The following PCED1B variants were observed in gnomAD, a reference collection of about 807,000 sequenced individuals.
PCED1B encodes PC-esterase domain containing 1B, also known as PC-esterase domain-containing protein 1B.
For synonymous variants in PCED1B, 251 were observed against 246.1 expected, an observed-to-expected ratio of 1.02 and a Z score of -0.19; for missense variants, 573 against 573.9, an observed-to-expected ratio of 1.00 and a Z score of 0.02.
At chr12:47,185,469 G>C (rs11183780) in intron 2 of PCED1B, among the ~76,000 whole-genome samples, 3,432 of 152,258 alleles carry the variant, frequency 0.023, 72 homozygotes, top group South Asian at 0.062. Context: ...CCCATCCTAG[G>C]TTCTCCAGCT....
chr12:47,166,619 G>A (rs1045726679), intron 2 of PCED1B, among the ~76,000 whole-genome samples: 2 of 152,150 alleles, frequency 1.3e-5, no homozygotes, highest in African/African-American at 4.8e-5. Context: ...TTGAAATGAT[G>A]CTCTGCTCAT....
chr12:47,197,321 T>C (rs1942636326), intron 2 of PCED1B, among the ~76,000 whole-genome samples: 1 of 149,672 alleles, frequency 6.7e-6, no homozygotes, highest in Non-Finnish European at 1.5e-5. Flanking sequence ...TAAAATACAA[T>C]GATAGCCCGG....
intron 2 of PCED1B, among the ~76,000 whole-genome samples, chr12:47,182,988 A>G (rs892384358): frequency 6.6e-6 from 1 of 151,766 alleles, no homozygotes; most frequent in Non-Finnish European, 1.5e-5. Context: ...GCTAAAAGCT[A>G]AATTAGAATG....
At chr12:47,186,253 T>C (rs1006848592) in intron 2 of PCED1B, among the ~76,000 whole-genome samples, 1 of 149,610 alleles carries the variant, frequency 6.7e-6, no homozygotes, top group Non-Finnish European at 1.5e-5. Flanking sequence ...TGAACTTACA[T>C]AGAATTGAGC....
intron 2 of PCED1B, among the ~76,000 whole-genome samples, chr12:47,178,866 C>CAAAAA (rs35135157): frequency 9.9e-5 from 8 of 81,180 alleles, no homozygotes; most frequent in Admixed American, 1.4e-4. Flanking sequence ...GACTCCATCT[C>CAAAAA]AAAAAAAAAA....
intron 2 of PCED1B, among the ~76,000 whole-genome samples, chr12:47,106,439 G>T (rs1446688341): frequency 6.6e-6 from 1 of 152,106 alleles, no homozygotes; most frequent in African/African-American, 2.4e-5. Context: ...AAGAAAAGTG[G>T]GTGCCTATGA....
chr12:47,220,449 G>A (rs544431566), intron 3 of PCED1B, among the ~76,000 whole-genome samples: 2 of 152,320 alleles, frequency 1.3e-5, no homozygotes, highest in East Asian at 3.9e-4. Context: ...TGGGATTACA[G>A]GCGTGAGCCA....
At chr12:47,183,605 C>T (rs913753119) in intron 2 of PCED1B, among the ~76,000 whole-genome samples, 1 of 151,840 alleles carries the variant, frequency 6.6e-6, no homozygotes, top group African/African-American at 2.4e-5. Context: ...TTTTTAACAC[C>T]TATATATCAC....
chr12:47,164,046 C>T (rs548969823), intron 2 of PCED1B, among the ~76,000 whole-genome samples: 1 of 152,154 alleles, frequency 6.6e-6, no homozygotes, highest in East Asian at 1.9e-4. Context: ...GTGACCCAAG[C>T]ACCTCCCACT....
intron 2 of PCED1B, among the ~76,000 whole-genome samples, chr12:47,154,773 GTGTGCA>G (rs1941132771): frequency 9.9e-6 from 1 of 100,834 alleles, no homozygotes; most frequent in African/African-American, 4.9e-5. Context: ...AGGGGTGTGT[GTGTGCA>G]TGTGTGTGTG....
chr12:47,116,475 C>T (rs1299443022), intron 2 of PCED1B, among the ~76,000 whole-genome samples: 1 of 151,970 alleles, frequency 6.6e-6, no homozygotes, highest in Non-Finnish European at 1.5e-5. Context: ...TTTTTCTAGT[C>T]ACAAAATTGA....
intron 1 of PCED1B, among the ~76,000 whole-genome samples, chr12:47,094,768 G>A (rs577570406): frequency 3.3e-5 from 5 of 151,914 alleles, no homozygotes; most frequent in South Asian, 4.2e-4. Flanking sequence ...TACAAACGAC[G>A]TTATAATTAC....
intron 2 of PCED1B, among the ~76,000 whole-genome samples, chr12:47,105,139 C>G (rs988375678): frequency 6.6e-6 from 1 of 152,104 alleles, no homozygotes; most frequent in African/African-American, 2.4e-5. Flanking sequence ...GAGACAGCAC[C>G]CTTCAAGATG....
intron 2 of PCED1B, among the ~76,000 whole-genome samples, chr12:47,183,609 A>G (rs1188540289): frequency 6.6e-6 from 1 of 152,152 alleles, no homozygotes; most frequent in Admixed American, 6.5e-5. Context: ...TAACACCTAT[A>G]TATCACCCAT....
At chr12:47,151,756 C>A (rs78566721) in intron 2 of PCED1B, among the ~76,000 whole-genome samples, 2,035 of 152,282 alleles carry the variant, frequency 0.013, 43 homozygotes, top group African/African-American at 0.046. Context: ...AGAAAGAATT[C>A]TTTCCTACTT....
intron 2 of PCED1B, among the ~76,000 whole-genome samples, chr12:47,193,447 A>G (rs1942508409): frequency 6.6e-6 from 1 of 152,114 alleles, no homozygotes; most frequent in African/African-American, 2.4e-5. Context: ...GTTTCAGCCC[A>G]TCACCTTCTC....
chr12:47,209,297 G>A (rs1023972894), intron 2 of PCED1B: 1 of 152,188 alleles, frequency 6.6e-6, no homozygotes, highest in Admixed American at 6.5e-5. Flanking sequence ...TCCCAAAGGT[G>A]GGAGGATCAC....
intron 2 of PCED1B, among the ~76,000 whole-genome samples, chr12:47,144,215 G>T (rs1363155183): frequency 6.6e-6 from 1 of 152,156 alleles, no homozygotes; most frequent in African/African-American, 2.4e-5. Context: ...TAAGGCAGCC[G>T]AGGAGCAATG....
intron 2 of PCED1B, chr12:47,138,414 G>A (rs1940469675): frequency 6.6e-6 from 1 of 152,192 alleles, no homozygotes; most frequent in Non-Finnish European, 1.5e-5. Flanking sequence ...GACCTTTCCA[G>A]AATAAGCATA....
Sources: gnomAD v4.1 joint callset for allele counts (sites outside exome capture counted in the v4.1 genomes callset) on GRCh38, gnomAD v4.1.1 for gene constraint, MANE v1.5 for transcripts, NCBI Gene and HGNC (gene_info 2026-07-23, HGNC 2026-07-21) for gene names.